NELL1: variants seen among roughly 807,000 people sequenced by gnomAD.
The protein encoded by NELL1 is protein kinase C-binding protein NELL1.
In NELL1, 76 loss-of-function variants were observed where a neutral mutation model predicts 107.4. That is an observed-to-expected ratio of 0.71 (90% CI 0.59 to 0.86). The LOEUF (loss-of-function observed/expected upper bound fraction) is 0.86, where lower values mean the gene tolerates loss of function less well. NELL1 is among the 40% of genes least tolerant of loss of function. The pLI, the probability that NELL1 is intolerant of heterozygous loss-of-function variation, is 0.00. For synonymous variants in NELL1, 353 were observed against 341.2 expected, an observed-to-expected ratio of 1.03 and a Z score of -0.38; for missense variants, 1,024 against 1,005.5, an observed-to-expected ratio of 1.02 and a Z score of -0.25.
At chr11:20,679,603 T>G (rs1854142824) in intron 2 of NELL1, among the ~76,000 whole-genome samples, 1 of 152,202 alleles carries the variant, frequency 6.6e-6, no homozygotes, top group African/African-American at 2.4e-5. Flanking sequence ...TAGACTGAAT[T>G]ACTTTGTTTT....
chr11:20,707,276 A>T (rs188801013), intron 2 of NELL1, among the ~76,000 whole-genome samples: 2 of 152,130 alleles, frequency 1.3e-5, no homozygotes, highest in Admixed American at 1.3e-4. Flanking sequence ...TCTTTTTTCA[A>T]GGTTTTTAGC....
intron 2 of NELL1, among the ~76,000 whole-genome samples, chr11:20,755,866 T>G (rs28733278): frequency 2.0e-3 from 4 of 2,034 alleles, no homozygotes; most frequent in African/African-American, 8.1e-3. Flanking sequence ...AGACCTGCGG[T>G]TTTTTTTTTT....
At chr11:21,548,316 G>T (rs989850238) in intron 16 of NELL1, among the ~76,000 whole-genome samples, 3 of 151,862 alleles carry the variant, frequency 2.0e-5, no homozygotes, top group Admixed American at 6.6e-5. Flanking sequence ...TGTATAGGTT[G>T]TCATGTTGGA....
At chr11:21,238,669 A>G (rs1858271807) in intron 14 of NELL1, among the ~76,000 whole-genome samples, 1 of 152,098 alleles carries the variant, frequency 6.6e-6, no homozygotes, top group African/African-American at 2.4e-5. Context: ...TCAAAGAATT[A>G]TAAAGAAAAA....
chr11:21,068,032 CAAAAAAAAAAAAAA>C (rs1195285619), intron 12 of NELL1, among the ~76,000 whole-genome samples: 13 of 40,386 alleles, frequency 3.2e-4, no homozygotes, highest in African/African-American at 1.2e-3. Context: ...GATGCCATCT[CAAAAAAAAAAAAAA>C]AAAAAAAAAA....
chr11:21,460,120 C>T (rs1034260485), intron 15 of NELL1, among the ~76,000 whole-genome samples: 9 of 151,958 alleles, frequency 5.9e-5, no homozygotes, highest in African/African-American at 1.9e-4. Flanking sequence ...TACTTTGGAA[C>T]ATAGGTTGCA....
At chr11:21,490,458 C>CAAAAAAAAA (rs66826369) in intron 15 of NELL1, among the ~76,000 whole-genome samples, 1 of 109,978 alleles carries the variant, frequency 9.1e-6, no homozygotes, top group Non-Finnish European at 1.9e-5. Flanking sequence ...TGTATGGAAC[C>CAAAAAAAAA]AAAAAAAAAA....
chr11:20,982,253 A>G (rs776019359), intron 12 of NELL1, among the ~76,000 whole-genome samples: 104 of 152,134 alleles, frequency 6.8e-4, no homozygotes, highest in Admixed American at 3.9e-3. Context: ...AAACCATGTG[A>G]CTGAGAGTAG....
intron 13 of NELL1, among the ~76,000 whole-genome samples, chr11:21,210,732 G>A (rs1424666687): frequency 2.0e-5 from 3 of 152,006 alleles, no homozygotes; most frequent in Admixed American, 6.6e-5. Flanking sequence ...CTGAAGCCTC[G>A]GTATTATTTT....
At chr11:20,985,857 C>T (rs1851842228) in intron 12 of NELL1, among the ~76,000 whole-genome samples, 1 of 152,180 alleles carries the variant, frequency 6.6e-6, no homozygotes, top group Admixed American at 6.5e-5. Context: ...GCAAGATTCA[C>T]ATTATCCATG....
At chr11:21,502,946 G>T (rs1268759924) in intron 15 of NELL1, among the ~76,000 whole-genome samples, 1 of 152,152 alleles carries the variant, frequency 6.6e-6, no homozygotes, top group African/African-American at 2.4e-5. Flanking sequence ...GCAATGGCAT[G>T]ATCTAGGCTC....
intron 15 of NELL1, among the ~76,000 whole-genome samples, chr11:21,504,689 A>G (rs1855236048): frequency 6.6e-6 from 1 of 152,142 alleles, no homozygotes; most frequent in Non-Finnish European, 1.5e-5. Flanking sequence ...TGTGGCTTCC[A>G]GGGAGAATGT....
chr11:21,305,128 G>A (rs2133632120), intron 14 of NELL1, among the ~76,000 whole-genome samples: 1 of 151,984 alleles, frequency 6.6e-6, no homozygotes, highest in Admixed American at 6.6e-5. Flanking sequence ...GGAGTGCAAT[G>A]GTTGATTCTA....
At chr11:20,979,461 T>A (rs1851706103) in intron 12 of NELL1, among the ~76,000 whole-genome samples, 2 of 152,174 alleles carry the variant, frequency 1.3e-5, no homozygotes, top group Admixed American at 6.5e-5. Context: ...AATAGCATGT[T>A]TTATGATGTT....
chr11:21,234,319 T>C (rs1009054929), intron 14 of NELL1, among the ~76,000 whole-genome samples: 1 of 152,234 alleles, frequency 6.6e-6, no homozygotes, highest in African/African-American at 2.4e-5. Flanking sequence ...TTGTAGTTGC[T>C]ATTTAATGTT....
At chr11:20,928,599 T>A in intron 9 of NELL1, 120 bp downstream of exon 9, 1 of 760,024 alleles carries the variant, frequency 1.3e-6, no homozygotes, top group Non-Finnish European at 2.2e-6. Flanking sequence ...GCAGTTGATG[T>A]AACATTAAAT....
intron 14 of NELL1, among the ~76,000 whole-genome samples, chr11:21,267,030 G>C (rs1231722670): frequency 6.6e-6 from 1 of 151,936 alleles, no homozygotes; most frequent in African/African-American, 2.4e-5. Flanking sequence ...GTCATTAAGA[G>C]TTATAACAAT....
chr11:20,714,194 A>ATTTTTTTTTTTTTTTTTTTTTTTTTTT (rs34441596), intron 2 of NELL1, among the ~76,000 whole-genome samples: 1 of 61,736 alleles, frequency 1.6e-5, no homozygotes. Flanking sequence ...TATCTCCCCG[A>ATTTTTTTTTTTTTTTTTTTTTTTTTTT]TTTTTTTTTT....
intron 15 of NELL1, among the ~76,000 whole-genome samples, chr11:21,424,547 G>A (rs558095937): frequency 2.6e-5 from 4 of 152,168 alleles, no homozygotes; most frequent in Non-Finnish European, 4.4e-5. Flanking sequence ...CTTGAACCTG[G>A]GAGACAGAGG....
Sources: allele counts gnomAD v4.1 joint callset (sites outside exome capture counted in the v4.1 genomes callset), GRCh38; gene constraint gnomAD v4.1.1; transcripts MANE v1.5; gene names NCBI Gene and HGNC (gene_info 2026-07-23, HGNC 2026-07-21).